The following ITPK1 variants were observed in gnomAD, a reference collection of about 807,000 sequenced individuals.
ITPK1 encodes inositol-tetrakisphosphate 1-kinase, also known as inositol 1,3,4-trisphosphate 5/6-kinase.
Under a neutral mutation model 45.3 loss-of-function variants are expected in ITPK1, and 21 were observed. That is an observed-to-expected ratio of 0.46 (90% CI 0.33 to 0.67). The LOEUF is 0.67. Ranked by LOEUF, ITPK1 falls within the 30% of genes least tolerant of loss-of-function variation. ITPK1 has a pLI of 0.02. For synonymous variants in ITPK1, 258 were observed against 253.6 expected (o/e 1.02, Z -0.16); for missense variants, 474 against 573.5 (o/e 0.83, Z 1.77).
chr14:93,010,098 T>C (rs1192467407), intron 4 of ITPK1, among the ~76,000 whole-genome samples: 2 of 152,200 alleles, frequency 1.3e-5, no homozygotes, highest in African/African-American at 4.8e-5. Flanking sequence ...AGCCCTCCCA[T>C]GGCTCCCTGG....
At chr14:93,070,048 C>G (rs1890926748) in intron 3 of ITPK1, 1 of 152,252 alleles carries the variant, frequency 6.6e-6, no homozygotes, top group South Asian at 2.1e-4. Context: ...CTCTAACTGG[C>G]TGCTGCACTT....
chr14:92,997,016 G>T (rs1312362850), intron 4 of ITPK1, among the ~76,000 whole-genome samples: 1 of 152,190 alleles, frequency 6.6e-6, no homozygotes, highest in Admixed American at 6.5e-5. Context: ...TATTTGTAAA[G>T]GTAAACTTGA....
intron 10 of ITPK1, among the ~76,000 whole-genome samples, chr14:92,943,446 C>T (rs1887532050): frequency 6.6e-6 from 1 of 152,220 alleles, no homozygotes; most frequent in Admixed American, 6.5e-5. Context: ...GTGCCAGGTC[C>T]CCCACCATAG....
At chr14:92,947,630 T>C (rs1349730633) in intron 9 of ITPK1, among the ~76,000 whole-genome samples, 2 of 152,210 alleles carry the variant, frequency 1.3e-5, no homozygotes. Context: ...GTGGACAGCA[T>C]GTGCCCGGCT....
At chr14:93,114,944 GC>G in intron 2 of ITPK1, 124 bp downstream of exon 2, 2 of 523,982 alleles carry the variant, frequency 3.8e-6, no homozygotes, top group Non-Finnish European at 6.5e-6. Flanking sequence ...GTCTCCCCGC[GC>G]GCCGCTTCTT....
intron 3 of ITPK1, among the ~76,000 whole-genome samples, chr14:93,026,924 T>C (rs1888763698): frequency 1.3e-5 from 2 of 152,320 alleles, no homozygotes; most frequent in South Asian, 4.1e-4. Context: ...TCACTGAACA[T>C]TGGGGATAGG....
chr14:93,045,825 C>T (rs1019543652), intron 3 of ITPK1, among the ~76,000 whole-genome samples: 9 of 152,158 alleles, frequency 5.9e-5, no homozygotes, highest in Non-Finnish European at 1.2e-4. Flanking sequence ...ACAACCCAAT[C>T]CACCCTGGGC....
At chr14:92,969,456 G>A (rs1477199348) in intron 5 of ITPK1, among the ~76,000 whole-genome samples, 3 of 152,160 alleles carry the variant, frequency 2.0e-5, no homozygotes, top group Admixed American at 2.0e-4. Flanking sequence ...GCTGCTCTTA[G>A]GATGTATGAA....
chr14:93,049,729 C>T (rs954402555), intron 3 of ITPK1, among the ~76,000 whole-genome samples: 3 of 117,312 alleles, frequency 2.6e-5, no homozygotes, highest in East Asian at 2.4e-4. Flanking sequence ...GGAGACTGAC[C>T]GGGGTCACAG....
intron 5 of ITPK1, among the ~76,000 whole-genome samples, chr14:92,991,778 C>T (rs1279548602): frequency 6.6e-6 from 1 of 152,196 alleles, no homozygotes; most frequent in African/African-American, 2.4e-5. Flanking sequence ...CCTTGATCCC[C>T]AGCCCTGGGC....
intron 5 of ITPK1, among the ~76,000 whole-genome samples, chr14:92,985,639 C>T (rs1252043104): frequency 6.6e-6 from 1 of 151,854 alleles, no homozygotes; most frequent in African/African-American, 2.4e-5. Context: ...CGGGGCTGGG[C>T]GTTTGGGCAG....
rs562953272 is a variant in ITPK1, at chr14:93,004,665, C to G, written c.247-10668G>C. Among the ~76,000 whole-genome samples the G allele has an allele frequency of 1.6e-3, 238 of 152,062 alleles. 1 individual carries two copies. The highest frequency in any genetic ancestry group is 5.5e-3 in the African/African-American group (227 of 41,448). On this transcript the variant is annotated intron_variant, in intron 4 of 10. Coordinates refer to ENST00000267615, the MANE Select transcript of ITPK1 (RefSeq NM_014216.6). ...GTGGTGATGGATGTCACCTATTCAG[C>G]TATAGAGCAGCCACATTCTCCCCAC... is the stretch of plus-strand genomic sequence containing the variant.
chr14:93,010,769 G>T (rs3825682), intron 4 of ITPK1, among the ~76,000 whole-genome samples: 1 of 152,040 alleles, frequency 6.6e-6, no homozygotes, highest in African/African-American at 2.4e-5. Context: ...TTCACTAGGC[G>T]CCGGGCCTGT....
intron 3 of ITPK1, among the ~76,000 whole-genome samples, chr14:93,025,714 G>T (rs2139876719): frequency 6.6e-6 from 1 of 152,264 alleles, no homozygotes; most frequent in South Asian, 2.1e-4. Flanking sequence ...TTCCCACATT[G>T]TTTTAATTAC....
At chr14:93,085,521 C>A (rs538497064) in intron 2 of ITPK1, among the ~76,000 whole-genome samples, 1 of 152,182 alleles carries the variant, frequency 6.6e-6, no homozygotes, top group Non-Finnish European at 1.5e-5. Context: ...AAGAGAGAGA[C>A]AGAGTGGGTG....
chr14:93,077,938 C>T lies in ITPK1; in HGVS notation c.96-1319G>A, dbSNP rs538957036. ...TGGGAAGAAAGGCCTCCAGCAGATG[C>T]TCAAAGATGGCTGCAGCCAGGCAAG... is the stretch of plus-strand genomic sequence containing the variant. On this transcript the variant is annotated intron_variant, in intron 2 of 10. Transcript: ENST00000267615. 2.6e-5 allele frequency among the ~76,000 whole-genome samples: 4 copies of T among 152,314 alleles called. No homozygotes were observed. In the South Asian group the frequency reaches 8.3e-4, roughly 32 times the overall value.
At chr14:92,962,599 C>T (rs2139742652) in intron 6 of ITPK1, 152 bp downstream of exon 6, 1 of 757,584 alleles carries the variant, frequency 1.3e-6, no homozygotes, top group Admixed American at 2.0e-5. Flanking sequence ...GGACCCGTTT[C>T]TATGGTGTGG....
At chr14:93,043,415 C>T (rs756739955) in intron 3 of ITPK1, among the ~76,000 whole-genome samples, 1 of 152,214 alleles carries the variant, frequency 6.6e-6, no homozygotes, top group South Asian at 2.1e-4. Context: ...TCTGTGGAGT[C>T]ACTGCAGAAA....
intron 2 of ITPK1, among the ~76,000 whole-genome samples, chr14:93,091,948 G>A (rs908200819): frequency 2.0e-5 from 3 of 152,202 alleles, no homozygotes; most frequent in Non-Finnish European, 4.4e-5. Flanking sequence ...GCCCTCTTCA[G>A]GACCCTGGGT....
Sources: allele counts gnomAD v4.1 joint callset (sites outside exome capture counted in the v4.1 genomes callset), GRCh38; gene constraint gnomAD v4.1.1; transcripts MANE v1.5; gene names NCBI Gene and HGNC (gene_info 2026-07-23, HGNC 2026-07-21).